Variants in DPP10 observed in about 807,000 individuals in gnomAD.
DPP10 encodes dipeptidyl peptidase like 10.
Under a neutral mutation model 120.9 loss-of-function variants are expected in DPP10, and 33 were observed. The observed-to-expected ratio is 0.27, with a 90% confidence interval of 0.21 to 0.37. The LOEUF (loss-of-function observed/expected upper bound fraction) is 0.37, where lower values mean the gene tolerates loss of function less well. Among genes scored for constraint, DPP10 ranks in the 10% least tolerant of loss-of-function variants. The probability of loss-of-function intolerance (pLI) is 1.00; values close to 1 mark genes in which losing one functional copy is unlikely to be tolerated. For synonymous variants in DPP10, 337 were observed against 326.1 expected, an observed-to-expected ratio of 1.03 and a Z score of -0.36; for missense variants, 816 against 942.8, an observed-to-expected ratio of 0.87 and a Z score of 1.76.
rs138162141 is a variant in DPP10 at position 115,474,775 on chromosome 2, G to A, written c.272-24735G>A. Among the ~76,000 whole-genome samples, 324 of 150,764 alleles carry A rather than the reference G, an allele frequency of 2.1e-3. 1 individual carries two copies. Among genetic ancestry groups the A allele is most frequent in the African/African-American group, 7.1e-3 (291 of 41,260 alleles). On this transcript the variant is annotated intron_variant, in intron 3 of 25. Transcript: ENST00000410059. The stretch of plus-strand genomic sequence containing the variant: ...TTAACAGGGAGGAATTCAAGCAGGT[G>A]GCAGAAATTTGCATAAGTAAAGAGG...
chr2:115,046,248 C>T (rs2105323767), intron 1 of DPP10, among the ~76,000 whole-genome samples: 1 of 152,190 alleles, frequency 6.6e-6, no homozygotes, highest in South Asian at 2.1e-4. Context: ...ACCATGTCAG[C>T]AATGACAATG....
At chr2:115,207,668 G>A (rs2056239702) in intron 1 of DPP10, among the ~76,000 whole-genome samples, 1 of 152,176 alleles carries the variant, frequency 6.6e-6, no homozygotes, top group South Asian at 2.1e-4. Context: ...TGAGACTAGA[G>A]CAGAGTACAA....
At chr2:114,616,865 A>T (rs1333578271) in intron 1 of DPP10, among the ~76,000 whole-genome samples, 1 of 152,130 alleles carries the variant, frequency 6.6e-6, no homozygotes, top group Non-Finnish European at 1.5e-5. Flanking sequence ...GTCACTAATT[A>T]TGTGACAACC....
intron 1 of DPP10, among the ~76,000 whole-genome samples, chr2:114,976,906 T>A (rs912150088): frequency 1.3e-5 from 2 of 152,166 alleles, no homozygotes; most frequent in African/African-American, 4.8e-5. Context: ...TATCTTTACC[T>A]TCAATCTTCT....
At chr2:115,368,394 T>A (rs144482290) in intron 3 of DPP10, among the ~76,000 whole-genome samples, 196 of 152,246 alleles carry the variant, frequency 1.3e-3, no homozygotes, top group African/African-American at 4.5e-3. Context: ...ATGTAATATA[T>A]GTGAACTAGT....
At chr2:115,080,947 G>A (rs183200234) in intron 1 of DPP10, among the ~76,000 whole-genome samples, 9 of 152,252 alleles carry the variant, frequency 5.9e-5, no homozygotes, top group Admixed American at 5.9e-4. Flanking sequence ...ACTATTGACT[G>A]TCTGACTTTG....
Position 115,004,676 on chromosome 2 carries a change from C to T in DPP10, c.61-304563C>T, listed in dbSNP as rs947823832. ...CTTTTCCGTTGGGCTTAAAAAACGG[C>T]GCACCATGAGATTATATCCCGCACC... is the stretch of plus-strand genomic sequence containing the variant. On this transcript the variant is annotated intron_variant, in intron 1 of 25. Coordinates refer to ENST00000410059, the MANE Select transcript of DPP10 (RefSeq NM_020868.6). 9.2e-5 allele frequency among the ~76,000 whole-genome samples: 14 copies of T among 152,180 alleles called. No homozygotes were observed. In the South Asian group the frequency reaches 1.2e-3, roughly 14 times the overall value.
intron 1 of DPP10, among the ~76,000 whole-genome samples, chr2:114,709,709 C>T (rs1700903260): frequency 6.6e-6 from 1 of 152,066 alleles, no homozygotes; most frequent in Admixed American, 6.6e-5. Flanking sequence ...ATTGATAAAG[C>T]AAAAATACAA....
At chr2:114,789,463 G>T (rs1683060239) in intron 1 of DPP10, among the ~76,000 whole-genome samples, 1 of 152,166 alleles carries the variant, frequency 6.6e-6, no homozygotes, top group Admixed American at 6.5e-5. Flanking sequence ...ATAAATGATT[G>T]ATTCTAGAAC....
intron 1 of DPP10, among the ~76,000 whole-genome samples, chr2:114,484,680 A>C (rs1256607132): frequency 6.6e-6 from 1 of 152,114 alleles, no homozygotes; most frequent in East Asian, 1.9e-4. Flanking sequence ...CTCTCATCCC[A>C]CACCAGAACT....
At chr2:115,530,342 A>C (rs1372331165) in intron 5 of DPP10, among the ~76,000 whole-genome samples, 4 of 152,148 alleles carry the variant, frequency 2.6e-5, no homozygotes, top group African/African-American at 9.7e-5. Flanking sequence ...AGCATACAAC[A>C]TCATGTTATG....
intron 1 of DPP10, among the ~76,000 whole-genome samples, chr2:114,744,784 C>T (rs749456217): frequency 4.0e-5 from 6 of 151,862 alleles, no homozygotes; most frequent in Non-Finnish European, 5.9e-5. Context: ...TTTTTTTAGA[C>T]GGAGTCTCAC....
At chr2:115,757,538 C>T (rs576224277) in intron 11 of DPP10, among the ~76,000 whole-genome samples, 13 of 152,114 alleles carry the variant, frequency 8.5e-5, no homozygotes, top group African/African-American at 2.4e-4. Context: ...AGGAAAGATT[C>T]GCCCCCGTAA....
chr2:115,079,377 A>G (rs1214929137), intron 1 of DPP10, among the ~76,000 whole-genome samples: 1 of 152,078 alleles, frequency 6.6e-6, no homozygotes, highest in African/African-American at 2.4e-5. Flanking sequence ...AAAAACAAAA[A>G]AAAAGAAAAA....
intron 1 of DPP10, among the ~76,000 whole-genome samples, chr2:114,727,885 C>T (rs559159105): frequency 5.9e-5 from 9 of 152,124 alleles, no homozygotes; most frequent in Non-Finnish European, 7.3e-5. Flanking sequence ...TCTATCACTG[C>T]GGTCAGCACA....
chr2:115,443,419 T>C (rs1296812034), intron 3 of DPP10, among the ~76,000 whole-genome samples: 2 of 152,162 alleles, frequency 1.3e-5, no homozygotes, highest in Non-Finnish European at 2.9e-5. Flanking sequence ...CATTTAGATT[T>C]GGAAGTTTTT....
At chr2:115,216,914 C>G (rs182350879) in intron 1 of DPP10, among the ~76,000 whole-genome samples, 1 of 151,194 alleles carries the variant, frequency 6.6e-6, no homozygotes, top group African/African-American at 2.4e-5. Flanking sequence ...CATATATACA[C>G]GTATATATGT....
At chr2:115,390,485 C>T (rs949165415) in intron 3 of DPP10, among the ~76,000 whole-genome samples, 7 of 152,190 alleles carry the variant, frequency 4.6e-5, no homozygotes, top group Admixed American at 4.6e-4. Flanking sequence ...AACAATCAGA[C>T]CATCTTGCTC....
chr2:115,112,949 C>A (rs2049305257), intron 1 of DPP10, among the ~76,000 whole-genome samples: 1 of 152,066 alleles, frequency 6.6e-6, no homozygotes, highest in Admixed American at 6.6e-5. Flanking sequence ...ACATTTGGTT[C>A]ATATGTTTGG....
Sources: gnomAD v4.1 joint callset for allele counts (sites outside exome capture counted in the v4.1 genomes callset) on GRCh38, gnomAD v4.1.1 for gene constraint, MANE v1.5 for transcripts, NCBI Gene and HGNC (gene_info 2026-07-23, HGNC 2026-07-21) for gene names.